The following GPSM2 variants were observed in gnomAD, a reference collection of about 807,000 sequenced individuals.
GPSM2 encodes G protein signaling modulator 2, also known as G protein-signaling modulator 2.
Under a neutral mutation model 78.4 loss-of-function variants are expected in GPSM2, and 58 were observed. The ratio of observed to expected loss-of-function variants is 0.74; its 90% CI spans 0.60 to 0.92. GPSM2 has a LOEUF of 0.92. GPSM2 is among the 40% of genes least tolerant of loss of function. The pLI, the probability that GPSM2 is intolerant of heterozygous loss-of-function variation, is 0.00. For synonymous variants in GPSM2, 224 were observed against 280.2 expected (o/e 0.80, Z 2.00); for missense variants, 700 against 815.5 (o/e 0.86, Z 1.73).
At chr1:108,925,810 A>G (rs1570960301) in intron 14 of GPSM2, among the ~76,000 whole-genome samples, 1 of 151,894 alleles carries the variant, frequency 6.6e-6, no homozygotes, top group African/African-American at 2.4e-5. Context: ...AAATAAATAC[A>G]AGGCAAATGT....
intron 11 of GPSM2, among the ~76,000 whole-genome samples, chr1:108,917,401 A>G (rs996074759): frequency 1.3e-5 from 2 of 151,110 alleles, no homozygotes; most frequent in African/African-American, 4.9e-5. Context: ...CCCCGTCTCT[A>G]CTAAAAATAC....
intron 2 of GPSM2, among the ~76,000 whole-genome samples, chr1:108,895,291 G>C (rs1648269285): frequency 6.6e-6 from 1 of 152,218 alleles, no homozygotes; most frequent in Admixed American, 6.5e-5. Context: ...ACTTAATGCT[G>C]TTCCAAAAAT....
chr1:108,894,027 G>A (rs1429616721), intron 2 of GPSM2, among the ~76,000 whole-genome samples: 1 of 152,058 alleles, frequency 6.6e-6, no homozygotes, highest in East Asian at 1.9e-4. Context: ...CTGGGTGACA[G>A]AGTGAGACTC....
intron 10 of GPSM2, among the ~76,000 whole-genome samples, chr1:108,905,857 A>G (rs1255841801): frequency 6.6e-6 from 1 of 152,216 alleles, no homozygotes; most frequent in African/African-American, 2.4e-5. Flanking sequence ...GGCTACTACA[A>G]GAGGGAGTGA....
At chr1:108,880,513 G>A (rs140540600) in intron 1 of GPSM2, among the ~76,000 whole-genome samples, 1 of 151,948 alleles carries the variant, frequency 6.6e-6, no homozygotes, top group African/African-American at 2.4e-5. Context: ...CCAGGACGTG[G>A]AGGTTACAGT....
chr1:108,916,333 CAT>C (rs905559666), intron 11 of GPSM2, among the ~76,000 whole-genome samples: 14 of 151,416 alleles, frequency 9.2e-5, no homozygotes, highest in Admixed American at 2.0e-4. Flanking sequence ...ATAACAATAA[CAT>C]ATGATTTTTC....
At chr1:108,886,347 C>G (rs954547873) in intron 2 of GPSM2, among the ~76,000 whole-genome samples, 1 of 152,164 alleles carries the variant, frequency 6.6e-6, no homozygotes, top group East Asian at 1.9e-4. Flanking sequence ...TGTCTAGTGA[C>G]ATTTTGTGTT....
chr1:108,879,353 G>A (rs1483059974), intron 1 of GPSM2, among the ~76,000 whole-genome samples: 1 of 152,212 alleles, frequency 6.6e-6, no homozygotes, highest in Non-Finnish European at 1.5e-5. Context: ...GCAAAGCAAT[G>A]TCGTTGGTGT....
chr1:108,905,591 T>C (rs1162967135), intron 10 of GPSM2, among the ~76,000 whole-genome samples: 3 of 152,146 alleles, frequency 2.0e-5, no homozygotes, highest in Admixed American at 2.0e-4. Flanking sequence ...TATTCTCTTC[T>C]CTCCTCTTCT....
intron 13 of GPSM2, among the ~76,000 whole-genome samples, chr1:108,923,029 C>G (rs1257927681): frequency 6.6e-6 from 1 of 152,082 alleles, no homozygotes; most frequent in Non-Finnish European, 1.5e-5. Flanking sequence ...AAAATAAAAT[C>G]TGATTTTATT....
chr1:108,919,856 G>A (rs1650566089), intron 12 of GPSM2, among the ~76,000 whole-genome samples: 1 of 152,118 alleles, frequency 6.6e-6, no homozygotes, highest in African/African-American at 2.4e-5. Flanking sequence ...TACAAAGAAG[G>A]TACTTCATAT....
chr1:108,913,983 C>G (rs537832798), intron 10 of GPSM2, among the ~76,000 whole-genome samples: 1 of 152,204 alleles, frequency 6.6e-6, no homozygotes, highest in East Asian at 1.9e-4. Flanking sequence ...CCTTTTCCTT[C>G]TGTTATAAGG....
At chr1:108,915,927 T>C (rs564456097) in intron 11 of GPSM2, among the ~76,000 whole-genome samples, 2 of 152,162 alleles carry the variant, frequency 1.3e-5, no homozygotes, top group South Asian at 4.1e-4. Context: ...CACTATTTTC[T>C]AATATGTGGT....
In GPSM2 at chr1:108,930,475, G is replaced by C. The variant is rs1651750997; in HGVS notation, c.*535G>C. ...CAGTATAAAAGAAACTCTACTTCTT[G>C]GGCTGGGCATGGTGGCTCATTCCTG... On this transcript the variant is annotated 3_prime_UTR_variant, in exon 15 of 15. Transcript: ENST00000264126. 1 of 153,128 alleles carries C rather than the reference G, an allele frequency of 6.5e-6. No individual in the cohort carries two copies. The highest frequency in any genetic ancestry group is 1.4e-5 in the Non-Finnish European group (1 of 68,974). 9.5% of individuals were successfully genotyped at this position (153,128 alleles called of 1,614,324 possible).
intron 2 of GPSM2, among the ~76,000 whole-genome samples, chr1:108,892,516 A>G (rs1648047619): frequency 6.6e-6 from 1 of 152,232 alleles, no homozygotes; most frequent in African/African-American, 2.4e-5. Context: ...GTCTATTTGA[A>G]GTTTATTAGA....
chr1:108,918,667 CCTT>C lies in GPSM2; in HGVS notation c.1321_1323del (p.Ser441del). 1.2e-6 allele frequency: 2 copies of C among 1,613,288 alleles called. No homozygotes were observed. The highest frequency in any genetic ancestry group is 1.7e-6 in the Non-Finnish European group (2 of 1,179,336). On this transcript the variant is annotated inframe_deletion, in exon 12 of 15. Coordinates refer to ENST00000264126, the MANE Select transcript of GPSM2 (RefSeq NM_013296.5). Reference sequence around the variant, plus strand: ...TAAGCAAAAACCTCTTATTGCCAAACCTTCTGCAAAGCTACTCTTTGTCAACAG... The same window carrying C: ...TAAGCAAAAACCTCTTATTGCCAAACCTGCAAAGCTACTCTTTGTCAACAG...
intron 14 of GPSM2, 74 bp downstream of exon 14, chr1:108,924,288 C>A: frequency 1.1e-6 from 1 of 932,798 alleles, no homozygotes; most frequent in Non-Finnish European, 1.7e-6. Context: ...TTATAATTCT[C>A]ATTCAGGAAG....
At chr1:108,902,395 A>G (rs1007872835) in intron 8 of GPSM2, among the ~76,000 whole-genome samples, 5 of 151,968 alleles carry the variant, frequency 3.3e-5, no homozygotes, top group South Asian at 4.1e-4. Flanking sequence ...AAAAAAAAAA[A>G]AAGTTTTCCT....
intron 14 of GPSM2, among the ~76,000 whole-genome samples, chr1:108,924,924 A>G (rs1178313910): frequency 2.0e-5 from 3 of 152,178 alleles, no homozygotes; most frequent in African/African-American, 7.2e-5. Context: ...GTAGAGTGGC[A>G]AGGGTGTTAG....
Sources: gnomAD v4.1 joint callset for allele counts (sites outside exome capture counted in the v4.1 genomes callset) on GRCh38, gnomAD v4.1.1 for gene constraint, MANE v1.5 for transcripts, NCBI Gene and HGNC (gene_info 2026-07-23, HGNC 2026-07-21) for gene names.